Variants in CPQ observed in about 807,000 individuals in gnomAD.
CPQ encodes the protein Ser-Met dipeptidase.
A neutral mutation model predicts 45.7 loss-of-function variants in CPQ; 37 were observed. That is an observed-to-expected ratio of 0.81 (90% CI 0.62 to 1.07). The LOEUF (loss-of-function observed/expected upper bound fraction) is 1.07, where lower values mean the gene tolerates loss of function less well. Ranked by LOEUF, CPQ falls within the 50% of genes least tolerant of loss-of-function variation. The probability of loss-of-function intolerance (pLI) is 0.00; values close to 1 mark genes in which losing one functional copy is unlikely to be tolerated. For missense variants in CPQ, 537 were observed against 572.9 expected, an observed-to-expected ratio of 0.94 and a Z score of 0.64; for synonymous variants, 186 against 205.8, an observed-to-expected ratio of 0.90 and a Z score of 0.82.
intron 4 of CPQ, among the ~76,000 whole-genome samples, chr8:96,956,676 T>C (rs2130347304): frequency 6.6e-6 from 1 of 152,272 alleles, no homozygotes. Context: ...CCAAGATATA[T>C]AAATTCTAAT....
chr8:97,091,936 T>C (rs1811133644), intron 7 of CPQ, among the ~76,000 whole-genome samples: 1 of 152,114 alleles, frequency 6.6e-6, no homozygotes, highest in South Asian at 2.1e-4. Context: ...AACCTCATTC[T>C]TATCACCCCA....
At chr8:96,744,219 G>A (rs1035536808) in intron 1 of CPQ, among the ~76,000 whole-genome samples, 18 of 152,206 alleles carry the variant, frequency 1.2e-4, no homozygotes, top group Admixed American at 6.5e-4. Flanking sequence ...GCAGTATTAG[G>A]GTGGGAGTGA....
chr8:96,681,411 C>A (rs190357747), intron 1 of CPQ, among the ~76,000 whole-genome samples: 84 of 152,292 alleles, frequency 5.5e-4, no homozygotes, highest in African/African-American at 1.9e-3. Flanking sequence ...AGGGTGAAAG[C>A]CCCAAGCCTT....
intron 4 of CPQ, among the ~76,000 whole-genome samples, chr8:96,931,054 C>T (rs1350212341): frequency 6.6e-6 from 1 of 152,148 alleles, no homozygotes; most frequent in Non-Finnish European, 1.5e-5. Context: ...CACTGAAGGC[C>T]ACATTGACCT....
intron 7 of CPQ, among the ~76,000 whole-genome samples, chr8:97,083,586 CT>C (rs763622125): frequency 6.6e-6 from 1 of 152,310 alleles, no homozygotes; most frequent in Non-Finnish European, 1.5e-5. Flanking sequence ...ACATTACTAG[CT>C]CTTCTATTTC....
At chr8:97,088,012 T>A (rs949889621) in intron 7 of CPQ, among the ~76,000 whole-genome samples, 1 of 152,200 alleles carries the variant, frequency 6.6e-6, no homozygotes, top group Non-Finnish European at 1.5e-5. Flanking sequence ...TTTCAATTAT[T>A]ATATCCAAAG....
intron 1 of CPQ, among the ~76,000 whole-genome samples, chr8:96,656,325 G>C (rs1289307684): frequency 6.6e-6 from 1 of 151,906 alleles, no homozygotes; most frequent in Non-Finnish European, 1.5e-5. Flanking sequence ...GGGGCTGCTG[G>C]CTCGGCTCCC....
intron 7 of CPQ, among the ~76,000 whole-genome samples, chr8:97,125,395 C>T (rs990398262): frequency 9.9e-5 from 15 of 152,014 alleles, no homozygotes; most frequent in African/African-American, 3.1e-4. Flanking sequence ...TTTTATAAGG[C>T]GTGTATGACA....
chr8:96,792,225 C>T (rs549677925), intron 2 of CPQ, among the ~76,000 whole-genome samples: 2 of 152,272 alleles, frequency 1.3e-5, no homozygotes, highest in South Asian at 2.1e-4. Context: ...ACTTACAAGA[C>T]AGGAGAAAGC....
intron 5 of CPQ, among the ~76,000 whole-genome samples, chr8:96,996,352 G>T (rs1809178552): frequency 6.6e-6 from 1 of 151,972 alleles, no homozygotes; most frequent in Non-Finnish European, 1.5e-5. Context: ...CAGCCTACAA[G>T]ATCCTTTGGT....
At chr8:96,960,247 C>CA (rs1238316516) in intron 4 of CPQ, among the ~76,000 whole-genome samples, 2 of 152,066 alleles carry the variant, frequency 1.3e-5, no homozygotes, top group Non-Finnish European at 2.9e-5. Context: ...CAGATTTTTA[C>CA]AATTATATTT....
intron 4 of CPQ, among the ~76,000 whole-genome samples, chr8:96,926,925 TTC>T (rs1223820270): frequency 6.6e-6 from 1 of 152,094 alleles, no homozygotes; most frequent in Non-Finnish European, 1.5e-5. Context: ...AGAACTTGCA[TTC>T]TGTTTGTTGT....
chr8:97,136,755 A>G (rs994057306), intron 7 of CPQ, among the ~76,000 whole-genome samples: 2 of 152,206 alleles, frequency 1.3e-5, no homozygotes. Context: ...CCAGGGGAGA[A>G]TATTTGCCTT....
chr8:96,667,731 C>G (rs531729472), intron 1 of CPQ, among the ~76,000 whole-genome samples: 1 of 152,148 alleles, frequency 6.6e-6, no homozygotes, highest in Admixed American at 6.5e-5. Context: ...TATATTGTTC[C>G]CAACCCGAAA....
At chr8:96,929,681 G>A (rs1473033591) in intron 4 of CPQ, among the ~76,000 whole-genome samples, 2 of 152,094 alleles carry the variant, frequency 1.3e-5, no homozygotes, top group African/African-American at 4.8e-5. Context: ...GTAGAGTTTA[G>A]GTTGAAAATA....
At chr8:97,002,180 C>G (rs1809295202) in intron 5 of CPQ, among the ~76,000 whole-genome samples, 1 of 151,788 alleles carries the variant, frequency 6.6e-6, no homozygotes, top group Non-Finnish European at 1.5e-5. Context: ...GTCTAGCTAG[C>G]AATCTATTTT....
intron 1 of CPQ, among the ~76,000 whole-genome samples, chr8:96,686,797 A>G (rs995809280): frequency 1.3e-5 from 2 of 152,126 alleles, no homozygotes; most frequent in African/African-American, 2.4e-5. Context: ...GTATTCCGCT[A>G]GTGAAACCAA....
Position 97,015,875 on chromosome 8 carries a change from G to T in CPQ, c.962-13528G>T, listed in dbSNP as rs569560559. The stretch of plus-strand genomic sequence containing the variant: ...TGTGCCCTGACTTTAAGTGGAAAGG[G>T]CAGTAGAAAACTACTATTGTTTACA... On this transcript the variant is annotated intron_variant, in intron 5 of 7. Transcript: ENST00000220763. Among the ~76,000 whole-genome samples, 6 of 152,182 alleles carry T rather than the reference G, an allele frequency of 3.9e-5. No individual in the cohort carries two copies. The South Asian group carries it at 1.0e-3, about 26-fold the overall frequency.
At chr8:96,788,118 C>T (rs1387660075) in intron 2 of CPQ, among the ~76,000 whole-genome samples, 7 of 148,496 alleles carry the variant, frequency 4.7e-5, no homozygotes, top group African/African-American at 1.2e-4. Context: ...AATACATTAT[C>T]GATCCCATTG....
Sources: allele counts gnomAD v4.1 joint callset (sites outside exome capture counted in the v4.1 genomes callset), GRCh38; gene constraint gnomAD v4.1.1; transcripts MANE v1.5; gene names NCBI Gene and HGNC (gene_info 2026-07-23, HGNC 2026-07-21).